Variants in CUX1 observed in about 807,000 individuals in gnomAD.
CUX1 encodes the protein cut like homeobox 1, also known as protein CASP.
CUX1 carries 31 observed loss-of-function variants against 158.8 expected under a neutral mutation model. The observed-to-expected ratio is 0.20, with a 90% CI of 0.15 to 0.26. CUX1 has a LOEUF of 0.26. CUX1 is among the 10% of genes least tolerant of loss of function. CUX1 has a pLI of 1.00. For synonymous variants in CUX1, 879 were observed against 862.1 expected, an observed-to-expected ratio of 1.02 and a Z score of -0.34; for missense variants, 1,589 against 2,014.6, an observed-to-expected ratio of 0.79 and a Z score of 4.04.
intron 8 of CUX1, among the ~76,000 whole-genome samples, chr7:102,155,906 A>G (rs182494866): frequency 1.3e-5 from 2 of 152,272 alleles, no homozygotes; most frequent in Middle Eastern, 3.4e-3. Flanking sequence ...TTGGGTATTT[A>G]TCTTACAGAG....
intron 2 of CUX1, among the ~76,000 whole-genome samples, chr7:101,940,613 T>C (rs975570413): frequency 6.6e-6 from 1 of 152,342 alleles, no homozygotes; most frequent in South Asian, 2.1e-4. Flanking sequence ...CTAGTTCTTA[T>C]ATTGTCATTT....
intron 2 of CUX1, among the ~76,000 whole-genome samples, chr7:101,929,141 A>C (rs913025585): frequency 6.6e-6 from 1 of 151,938 alleles, no homozygotes; most frequent in Non-Finnish European, 1.5e-5. Context: ...GTGCCACTGC[A>C]CTCCAGCCTA....
chr7:102,181,196 C>T (rs1306246950), intron 11 of CUX1, among the ~76,000 whole-genome samples: 4 of 152,140 alleles, frequency 2.6e-5, no homozygotes, highest in Non-Finnish European at 5.9e-5. Flanking sequence ...CCGCCTCCGC[C>T]TCCCAAATGC....
rs540887371 is a variant in CUX1 at position 102,255,527 on chromosome 7, GATA to G, written c.*6488_*6490del. Reference sequence around the variant, plus strand: ...TTTCATGAATCCTTTTAGTTTACCCGATAATGTTAAGAAAGCATTAGTCTACGT... The same window carrying G: ...TTTCATGAATCCTTTTAGTTTACCCGATGTTAAGAAAGCATTAGTCTACGT... On this transcript the variant is annotated 3_prime_UTR_variant, in exon 24 of 24. Transcript: ENST00000292535. 3.5e-3 allele frequency: 3,492 copies of G among 985,306 alleles called. 6 individuals are homozygous for G. The highest frequency in any genetic ancestry group is 4.0e-3 in the Non-Finnish European group (3,360 of 829,924). 61.0% of individuals were successfully genotyped at this position (985,306 alleles called of 1,614,324 possible).
intron 1 of CUX1, among the ~76,000 whole-genome samples, chr7:101,913,889 C>G (rs970597780): frequency 1.3e-5 from 2 of 152,286 alleles, no homozygotes; most frequent in Middle Eastern, 6.8e-3. Context: ...TCTTCCCCGC[C>G]TTCTTTCGAA....
intron 2 of CUX1, among the ~76,000 whole-genome samples, chr7:101,974,729 G>A (rs1036032962): frequency 6.6e-6 from 1 of 152,146 alleles, no homozygotes; most frequent in East Asian, 1.9e-4. Flanking sequence ...GGCGTGAGGG[G>A]CTTTCATTCA....
Position 101,838,762 on chromosome 7 carries a change from C to T in CUX1, c.30+21093C>T, listed in dbSNP as rs935608595. ...AGGTTGCAGTGAGCCGAGATTGTGC[C>T]ATTGCACTCCAGCTTTGGCAACAAA... On this transcript the variant is annotated intron_variant, in intron 1 of 23. Coordinates refer to ENST00000292535, the MANE Select transcript of CUX1 (RefSeq NM_181552.4). Among the ~76,000 whole-genome samples the T allele has an allele frequency of 2.0e-5, 3 of 151,846 alleles. No individual in the cohort carries two copies. In the South Asian group the frequency reaches 6.2e-4, roughly 32 times the overall value.
In CUX1 at chr7:102,257,898, C is replaced by CTTTT. The variant is rs374339832; in HGVS notation, c.*8869_*8872dup. ...GAAAAAAGGAAAAAAAAAAAGTCGT[C>CTTTT]TTTTTTTTTTTTTTTTGTACAAATC... On this transcript the variant is annotated 3_prime_UTR_variant, in exon 24 of 24. Transcript: ENST00000292535. 36 of 893,144 alleles carry CTTTT rather than the reference C, an allele frequency of 4.0e-5. No homozygotes were observed. The African/African-American group carries it at 6.9e-4, about 17-fold the overall frequency. The allele number at this position is 893,144 out of a possible 1,614,324, so 55.3% of individuals were successfully genotyped here. A position where few individuals can be genotyped will look rare whatever the true frequency, so the allele number is the denominator to read the frequency against.
At chr7:101,948,241 G>A (rs544153612) in intron 2 of CUX1, among the ~76,000 whole-genome samples, 2 of 152,192 alleles carry the variant, frequency 1.3e-5, no homozygotes, top group East Asian at 1.9e-4. Flanking sequence ...ATTCTATTAC[G>A]TGGTGATATT....
intron 16 of CUX1, chr7:102,275,214 C>A: frequency 6.6e-7 from 1 of 1,523,304 alleles, no homozygotes; most frequent in Non-Finnish European, 8.9e-7. Flanking sequence ...CCACCTCCTG[C>A]CACCCCCCAA....
chr7:102,028,723 C>T (rs535308544), intron 3 of CUX1, among the ~76,000 whole-genome samples: 17 of 152,332 alleles, frequency 1.1e-4, no homozygotes, highest in African/African-American at 2.6e-4. Context: ...CTGGGACATC[C>T]GCCCTGGCTA....
At chr7:102,211,956 G>A (rs900774186) in intron 20 of CUX1, among the ~76,000 whole-genome samples, 5 of 152,096 alleles carry the variant, frequency 3.3e-5, no homozygotes, top group African/African-American at 1.2e-4. Flanking sequence ...AGCCACAGGA[G>A]GAAGGGCACA....
chr7:101,974,395 C>A (rs566648122), intron 2 of CUX1, among the ~76,000 whole-genome samples: 1 of 152,190 alleles, frequency 6.6e-6, no homozygotes, highest in South Asian at 2.1e-4. Context: ...TTAATATTTT[C>A]AAAAGTTCTT....
At chr7:102,237,936 C>CAG (rs782317563) in intron 22 of CUX1, among the ~76,000 whole-genome samples, 3 of 151,926 alleles carry the variant, frequency 2.0e-5, no homozygotes, top group Admixed American at 1.3e-4. Context: ...GCAGCCGAGG[C>CAG]AGAGAGAGAG....
At chr7:101,828,510 A>G (rs768394093) in intron 1 of CUX1, among the ~76,000 whole-genome samples, 3 of 152,208 alleles carry the variant, frequency 2.0e-5, no homozygotes, top group Non-Finnish European at 4.4e-5. Context: ...CGAACGGGGA[A>G]AGTGCATGTT....
chr7:101,861,623 G>A (rs961031207), intron 1 of CUX1, among the ~76,000 whole-genome samples: 1 of 151,660 alleles, frequency 6.6e-6, no homozygotes, highest in African/African-American at 2.4e-5. Context: ...GGTGGGGTGG[G>A]GTGGGGTGGA....
intron 9 of CUX1, among the ~76,000 whole-genome samples, chr7:102,165,721 A>G (rs1005935168): frequency 9.2e-5 from 14 of 152,090 alleles, no homozygotes; most frequent in African/African-American, 3.4e-4. Flanking sequence ...AGGGATGGGC[A>G]GGGGTTGGGG....
At chr7:102,122,846 G>A (rs782167014) in intron 8 of CUX1, among the ~76,000 whole-genome samples, 1 of 152,158 alleles carries the variant, frequency 6.6e-6, no homozygotes, top group African/African-American at 2.4e-5. Flanking sequence ...GTGCTGGAAC[G>A]ATAGAGTAAG....
At chr7:101,856,400 A>G (rs1796825179) in intron 1 of CUX1, among the ~76,000 whole-genome samples, 1 of 152,064 alleles carries the variant, frequency 6.6e-6, no homozygotes, top group Non-Finnish European at 1.5e-5. Context: ...TGTTTATCCA[A>G]GTTAGTGTTT....
Sources: gnomAD v4.1 joint callset for allele counts (sites outside exome capture counted in the v4.1 genomes callset) on GRCh38, gnomAD v4.1.1 for gene constraint, MANE v1.5 for transcripts, NCBI Gene and HGNC (gene_info 2026-07-23, HGNC 2026-07-21) for gene names.